The following RYK variants were observed in gnomAD, a reference collection of about 807,000 sequenced individuals.
RYK encodes the protein inactive tyrosine-protein kinase RYK.
In RYK, 21 loss-of-function variants were observed where a neutral mutation model predicts 70.2. The observed-to-expected ratio is 0.30, with a 90% confidence interval of 0.21 to 0.43. The LOEUF (loss-of-function observed/expected upper bound fraction) is 0.43. Among genes scored for constraint, RYK ranks in the 20% least tolerant of loss-of-function variants. The probability of loss-of-function intolerance (pLI) is 1.00; values close to 1 mark genes in which losing one functional copy is unlikely to be tolerated. For missense variants in RYK, 604 were observed against 753.3 expected (o/e 0.80, Z 2.32); for synonymous variants, 267 against 278.0 (o/e 0.96, Z 0.39).
At chr3:134,191,645 A>G (rs2013644259) in intron 8 of RYK, among the ~76,000 whole-genome samples, 1 of 152,240 alleles carries the variant, frequency 6.6e-6, no homozygotes, top group Non-Finnish European at 1.5e-5. Context: ...ATACTTGAAA[A>G]TCAAGAACTG....
At chr3:134,186,299 T>C (rs2013458770) in intron 9 of RYK, among the ~76,000 whole-genome samples, 1 of 152,242 alleles carries the variant, frequency 6.6e-6, no homozygotes, top group African/African-American at 2.4e-5. Context: ...TTATGAATAT[T>C]TTTAAAAGCC....
chr3:134,210,634 A>G (rs753377854), intron 3 of RYK, among the ~76,000 whole-genome samples: 1 of 152,246 alleles, frequency 6.6e-6, no homozygotes, highest in Non-Finnish European at 1.5e-5. Context: ...TTTTAAAAAT[A>G]TCCATTTCTT....
intron 13 of RYK, 71 bp from the exon 14 acceptor site, chr3:134,159,444 G>C: frequency 2.8e-6 from 4 of 1,423,242 alleles, no homozygotes; most frequent in Admixed American, 2.6e-5. Context: ...CCCACAGCCA[G>C]CTACAGGACA....
At chr3:134,175,299 C>A (rs1012420383) in intron 13 of RYK, among the ~76,000 whole-genome samples, 1 of 150,600 alleles carries the variant, frequency 6.6e-6, no homozygotes, top group Non-Finnish European at 1.5e-5. Context: ...GCCAGGATTG[C>A]GCCATTGCAC....
chr3:134,160,692 C>G (rs1448772690), intron 13 of RYK, among the ~76,000 whole-genome samples: 2 of 152,148 alleles, frequency 1.3e-5, no homozygotes, highest in Non-Finnish European at 2.9e-5. Flanking sequence ...CCCATCTCTA[C>G]TAAAAATACA....
At chr3:134,172,899 C>T (rs1239539483) in intron 13 of RYK, among the ~76,000 whole-genome samples, 2 of 152,076 alleles carry the variant, frequency 1.3e-5, no homozygotes, top group African/African-American at 4.8e-5. Flanking sequence ...CCCACCATGC[C>T]CGATGCCTCT....
chr3:134,158,465 T>C (rs1301302272), intron 14 of RYK, among the ~76,000 whole-genome samples: 1 of 152,222 alleles, frequency 6.6e-6, no homozygotes, highest in African/African-American at 2.4e-5. Context: ...TGAATTTCAA[T>C]TCTTCATGAC....
At chr3:134,211,734 A>T in intron 2 of RYK, 127 bp from the exon 3 acceptor site, 1 of 609,392 alleles carries the variant, frequency 1.6e-6, no homozygotes, top group Non-Finnish European at 2.8e-6. Flanking sequence ...ATCTAGCTAT[A>T]AAAAAATGCA....
chr3:134,200,609 T>C (rs2013982919), intron 6 of RYK, among the ~76,000 whole-genome samples: 1 of 152,230 alleles, frequency 6.6e-6, no homozygotes, highest in Admixed American at 6.5e-5. Flanking sequence ...CCATTTACTA[T>C]ACGTAGGGCT....
At chr3:134,238,923 C>G (rs148673028) in intron 1 of RYK, among the ~76,000 whole-genome samples, 1 of 152,202 alleles carries the variant, frequency 6.6e-6, no homozygotes, top group East Asian at 1.9e-4. Context: ...AAGGCTTTTG[C>G]CGGAATCTCT....
At chr3:134,217,911 G>C (rs1490404819) in intron 2 of RYK, among the ~76,000 whole-genome samples, 2 of 152,158 alleles carry the variant, frequency 1.3e-5, no homozygotes, top group Non-Finnish European at 2.9e-5. Flanking sequence ...AAAATCACCA[G>C]AGATTATTAC....
chr3:134,224,618 C>T (rs2014844417), intron 1 of RYK, among the ~76,000 whole-genome samples: 4 of 152,178 alleles, frequency 2.6e-5, no homozygotes. Context: ...GGGAGAGTCC[C>T]TTTCCTGGTC....
chr3:134,221,727 G>T (rs776702169), intron 2 of RYK, among the ~76,000 whole-genome samples: 1 of 151,886 alleles, frequency 6.6e-6, no homozygotes, highest in African/African-American at 2.4e-5. Context: ...TTTATTTCCT[G>T]AATAAAATCC....
At chr3:134,205,309 G>C (rs1404218805) in intron 5 of RYK, among the ~76,000 whole-genome samples, 4 of 152,110 alleles carry the variant, frequency 2.6e-5, no homozygotes, top group African/African-American at 9.7e-5. Context: ...AAAACACATG[G>C]AAATAAGAAA....
At chr3:134,169,233 C>T (rs1359356130) in intron 13 of RYK, among the ~76,000 whole-genome samples, 1 of 152,056 alleles carries the variant, frequency 6.6e-6, no homozygotes. Context: ...ACTATAAAGA[C>T]AAGAAAACCA....
intron 2 of RYK, among the ~76,000 whole-genome samples, chr3:134,215,331 G>A (rs979448595): frequency 1.3e-5 from 2 of 152,184 alleles, no homozygotes; most frequent in African/African-American, 4.8e-5. Context: ...GCCAATGAGG[G>A]CACAGGGAGA....
intron 2 of RYK, among the ~76,000 whole-genome samples, chr3:134,219,758 T>A (rs112178342): frequency 8.5e-4 from 130 of 152,294 alleles, no homozygotes; most frequent in African/African-American, 3.0e-3. Flanking sequence ...ATTCCTTCTA[T>A]AACAGCCTTA....
chr3:134,165,305 T>A (rs1320162287), intron 13 of RYK, among the ~76,000 whole-genome samples: 4 of 152,238 alleles, frequency 2.6e-5, no homozygotes, highest in African/African-American at 9.6e-5. Flanking sequence ...ACATAAATGA[T>A]CATACTATTC....
chr3:134,246,289 A>T (rs1454397930), intron 1 of RYK, among the ~76,000 whole-genome samples: 1 of 145,584 alleles, frequency 6.9e-6, no homozygotes, highest in Admixed American at 7.0e-5. Flanking sequence ...ACCAACAGAC[A>T]TCTCAGAAAG....
Sources: allele counts gnomAD v4.1 joint callset (sites outside exome capture counted in the v4.1 genomes callset), GRCh38; gene constraint gnomAD v4.1.1; transcripts MANE v1.5; gene names NCBI Gene and HGNC (gene_info 2026-07-23, HGNC 2026-07-21).